RASAL2: variants seen among roughly 807,000 people sequenced by gnomAD.
The protein encoded by RASAL2 is RAS protein activator like 2.
Under a neutral mutation model 128.9 loss-of-function variants are expected in RASAL2, and 58 were observed. The observed-to-expected ratio is 0.45, with a 90% CI of 0.36 to 0.56. RASAL2 has a LOEUF of 0.56. Ranked by LOEUF, RASAL2 falls within the 20% of genes least tolerant of loss-of-function variation. The pLI is 0.00. For missense variants in RASAL2, 1,360 were observed against 1,601.6 expected (o/e 0.85, Z 2.57); for synonymous variants, 561 against 580.8 (o/e 0.97, Z 0.49).
At chr1:178,254,228 T>C (rs1665205531) in intron 1 of RASAL2, among the ~76,000 whole-genome samples, 1 of 152,202 alleles carries the variant, frequency 6.6e-6, no homozygotes, top group Admixed American at 6.5e-5. Context: ...AATGTCTATT[T>C]ATCCTTCAGA....
intron 3 of RASAL2, among the ~76,000 whole-genome samples, chr1:178,344,526 G>C (rs1315972196): frequency 6.6e-6 from 1 of 152,182 alleles, no homozygotes; most frequent in Non-Finnish European, 1.5e-5. Flanking sequence ...CAACACGATT[G>C]TGTTTGCCCT....
intron 1 of RASAL2, among the ~76,000 whole-genome samples, chr1:178,168,153 A>G (rs1326224488): frequency 6.6e-6 from 1 of 152,030 alleles, no homozygotes; most frequent in Non-Finnish European, 1.5e-5. Flanking sequence ...TCTTTATAAA[A>G]TCCTGTACAC....
At chr1:178,452,935 G>A (rs569427165) in intron 11 of RASAL2, among the ~76,000 whole-genome samples, 2 of 151,950 alleles carry the variant, frequency 1.3e-5, no homozygotes, top group Admixed American at 6.6e-5. Context: ...TAAAAGTGCT[G>A]ATAAAAATAC....
intron 1 of RASAL2, among the ~76,000 whole-genome samples, chr1:178,276,014 T>G (rs1313619936): frequency 6.6e-6 from 1 of 152,262 alleles, no homozygotes; most frequent in Non-Finnish European, 1.5e-5. Flanking sequence ...TGTATTTCCA[T>G]GAAGGCAACC....
intron 1 of RASAL2, among the ~76,000 whole-genome samples, chr1:178,129,439 GCTGT>G (rs1037843446): frequency 4.0e-5 from 6 of 151,866 alleles, no homozygotes; most frequent in Admixed American, 1.3e-4. Flanking sequence ...TTAAAATTGG[GCTGT>G]CTGTCTGCTT....
At chr1:178,403,115 T>A (rs1673756589) in intron 4 of RASAL2, among the ~76,000 whole-genome samples, 1 of 152,174 alleles carries the variant, frequency 6.6e-6, no homozygotes, top group Non-Finnish European at 1.5e-5. Context: ...TGTATGACAT[T>A]CAATTTACAA....
chr1:178,449,367 T>G (rs1398159108), intron 9 of RASAL2, among the ~76,000 whole-genome samples: 1 of 152,134 alleles, frequency 6.6e-6, no homozygotes, highest in Non-Finnish European at 1.5e-5. Flanking sequence ...TGAAAAGACC[T>G]GATTTCCACT....
At chr1:178,224,974 A>G (rs967980434) in intron 1 of RASAL2, among the ~76,000 whole-genome samples, 2 of 152,176 alleles carry the variant, frequency 1.3e-5, no homozygotes, top group African/African-American at 4.8e-5. Flanking sequence ...TTTCTCAATT[A>G]TGTTCTGTGG....
rs71108033 is a variant in RASAL2, at chr1:178,180,485, CAAAAAAAAA to C, written c.202+85807_202+85815del. ...CAACATGGTGAAACCTCATCTCTAC[CAAAAAAAAA>C]AAAAAAAAAAAAAAACCCACAAAAA... On this transcript the variant is annotated intron_variant, in intron 1 of 17. Transcript: ENST00000367649. 9.1e-4 allele frequency among the ~76,000 whole-genome samples: 66 copies of C among 72,540 alleles called. 1 individual carries two copies. The East Asian group carries it at 0.025, about 27-fold the overall frequency. The allele number at this position is 72,540 out of a possible 152,430, so 47.6% of individuals were successfully genotyped here. A position where few individuals can be genotyped will look rare whatever the true frequency, so the allele number is the denominator to read the frequency against.
chr1:178,302,804 G>A (rs1171957226), intron 3 of RASAL2, among the ~76,000 whole-genome samples: 4 of 152,178 alleles, frequency 2.6e-5, no homozygotes, highest in Admixed American at 2.6e-4. Context: ...CACTTTGGGA[G>A]GCCAAGGTGG....
At chr1:178,309,639 T>C (rs1418351076) in intron 3 of RASAL2, among the ~76,000 whole-genome samples, 6 of 152,168 alleles carry the variant, frequency 3.9e-5, no homozygotes, top group Non-Finnish European at 7.3e-5. Context: ...TACAGTCAGT[T>C]CTGTTATAAT....
chr1:178,473,419 C>A lies in RASAL2; in HGVS notation c.*180C>A. ...GGCATAAGGCGGCGACTTCCAAGGT[C>A]AATGCTTTTCCCCCACATCTCTATG... On this transcript the variant is annotated 3_prime_UTR_variant, in exon 18 of 18. Coordinates refer to ENST00000367649, the MANE Select transcript of RASAL2 (RefSeq NM_170692.4). 1.4e-6 allele frequency: 1 copy of A among 695,778 alleles called. No homozygotes were observed. The highest frequency in any genetic ancestry group is 2.4e-6 in the Non-Finnish European group (1 of 424,218). 43.1% of individuals were successfully genotyped at this position (695,778 alleles called of 1,614,324 possible).
chr1:178,215,269 T>C (rs1436273647), intron 1 of RASAL2, among the ~76,000 whole-genome samples: 1 of 152,234 alleles, frequency 6.6e-6, no homozygotes, highest in Non-Finnish European at 1.5e-5. Context: ...TCATTAGCAG[T>C]GGCCATGTGT....
At chr1:178,262,846 T>C (rs1665763693) in intron 1 of RASAL2, among the ~76,000 whole-genome samples, 1 of 150,878 alleles carries the variant, frequency 6.6e-6, no homozygotes, top group African/African-American at 2.4e-5. Context: ...CTGACCTAAA[T>C]GGTGTACATT....
At chr1:178,101,593 A>G (rs1221819006) in intron 1 of RASAL2, among the ~76,000 whole-genome samples, 2 of 152,238 alleles carry the variant, frequency 1.3e-5, no homozygotes, top group African/African-American at 2.4e-5. Context: ...TAAGATAACA[A>G]AATTCGGAAG....
intron 3 of RASAL2, among the ~76,000 whole-genome samples, chr1:178,320,090 C>G (rs1248586273): frequency 2.0e-5 from 3 of 151,906 alleles, no homozygotes; most frequent in Non-Finnish European, 4.4e-5. Flanking sequence ...GGGGGTGCCT[C>G]CCAGTTAGGC....
chr1:178,139,127 T>A (rs1447722357), intron 1 of RASAL2, among the ~76,000 whole-genome samples: 1 of 152,038 alleles, frequency 6.6e-6, no homozygotes, highest in Non-Finnish European at 1.5e-5. Context: ...GATGTAAGTT[T>A]CTGCTATACA....
At chr1:178,131,638 C>G (rs896640258) in intron 1 of RASAL2, among the ~76,000 whole-genome samples, 3 of 152,044 alleles carry the variant, frequency 2.0e-5, no homozygotes, top group African/African-American at 7.2e-5. Context: ...TGACACTTAG[C>G]TGAACATTCT....
rs560769447 is a variant in RASAL2 at position 178,449,793 on chromosome 1, A to G, written c.1628-1778A>G. On this transcript the variant is annotated intron_variant, in intron 9 of 17. Transcript: ENST00000367649. Reference sequence around the variant, plus strand: ...ACTTTTTAAGCTGGTACTATAGACAATTAATTTACTTCTGGGCCCTGGAGT... The same window carrying G: ...ACTTTTTAAGCTGGTACTATAGACAGTTAATTTACTTCTGGGCCCTGGAGT... Among the ~76,000 whole-genome samples, 9 of 152,132 alleles carry G rather than the reference A, an allele frequency of 5.9e-5. No homozygotes were observed. The South Asian group carries it at 6.2e-4, about 10-fold the overall frequency.
Sources: gnomAD v4.1 joint callset for allele counts (sites outside exome capture counted in the v4.1 genomes callset) on GRCh38, gnomAD v4.1.1 for gene constraint, MANE v1.5 for transcripts, NCBI Gene and HGNC (gene_info 2026-07-23, HGNC 2026-07-21) for gene names.